Variants in CDKL1 observed in about 807,000 individuals in gnomAD.
The protein encoded by CDKL1 is cyclin dependent kinase like 1.
CDKL1 carries 41 observed loss-of-function variants against 42.0 expected under a neutral mutation model. The ratio of observed to expected loss-of-function variants is 0.98; its 90% CI spans 0.76 to 1.27. The LOEUF (loss-of-function observed/expected upper bound fraction) is 1.27. Ranked by LOEUF, CDKL1 falls within the 50% of genes most tolerant of loss-of-function variation. The pLI, the probability that CDKL1 is intolerant of heterozygous loss-of-function variation, is 0.00. For missense variants in CDKL1, 394 were observed against 428.4 expected, an observed-to-expected ratio of 0.92 and a Z score of 0.71; for synonymous variants, 153 against 158.6, an observed-to-expected ratio of 0.96 and a Z score of 0.26.
chr14:50,330,475 G>A (rs1446386665), intron 9 of CDKL1: 1 of 298,604 alleles, frequency 3.3e-6, no homozygotes, highest in African/African-American at 2.3e-5. Flanking sequence ...CAGGAGTTGA[G>A]AGCTTGCTGA....
chr14:50,385,052 C>A (rs1266880739), intron 2 of CDKL1, among the ~76,000 whole-genome samples: 1 of 116,840 alleles, frequency 8.6e-6, no homozygotes. Context: ...GCCTGGGTGA[C>A]AGAGCAAGAC....
At chr14:50,385,319 C>A (rs1248668570) in intron 2 of CDKL1, among the ~76,000 whole-genome samples, 2 of 152,160 alleles carry the variant, frequency 1.3e-5, no homozygotes, top group African/African-American at 4.8e-5. Context: ...AAGAACACAG[C>A]TTCACCCATG....
intron 3 of CDKL1, among the ~76,000 whole-genome samples, chr14:50,348,230 C>A (rs1298111262): frequency 6.6e-6 from 1 of 152,142 alleles, no homozygotes; most frequent in Non-Finnish European, 1.5e-5. Context: ...TCAAAAGGCT[C>A]GGGAAGTAGC....
chr14:50,388,019 C>A (rs1302505202), intron 2 of CDKL1, among the ~76,000 whole-genome samples: 2 of 152,130 alleles, frequency 1.3e-5, no homozygotes, highest in African/African-American at 4.8e-5. Context: ...GCCTCAGCCT[C>A]CCAAGTAGCT....
intron 2 of CDKL1, among the ~76,000 whole-genome samples, chr14:50,382,414 G>C (rs994398318): frequency 6.6e-6 from 1 of 152,096 alleles, no homozygotes; most frequent in African/African-American, 2.4e-5. Context: ...TCGTGCCACT[G>C]CACTCCAGCC....
chr14:50,337,598 C>A (rs1455774209), intron 7 of CDKL1, among the ~76,000 whole-genome samples: 6 of 151,968 alleles, frequency 3.9e-5, no homozygotes. Context: ...AGCAATATTT[C>A]ACCTCAGTTG....
chr14:50,326,736 T>C lies in CDKL1; in HGVS notation c.*3338A>G, dbSNP rs2032719775. 1 of 985,294 alleles carries C rather than the reference T, an allele frequency of 1.0e-6. No homozygotes were observed. Among genetic ancestry groups the C allele is most frequent in the South Asian group, 4.7e-5 (1 of 21,296 alleles). The allele number at this position is 985,294 out of a possible 1,614,324, so 61.0% of individuals were successfully genotyped here. On this transcript the variant is annotated 3_prime_UTR_variant, in exon 10 of 10. Coordinates refer to ENST00000395834, the MANE Select transcript of CDKL1 (RefSeq NM_004196.7). ...AACTAGTGGGCTATGCTTAGGTTTT[T>C]CTTGAAACCTAACATTGCTTTAGGC...
chr14:50,370,702 A>C (rs1450068239), intron 2 of CDKL1, among the ~76,000 whole-genome samples: 1 of 152,230 alleles, frequency 6.6e-6, no homozygotes, highest in Non-Finnish European at 1.5e-5. Context: ...GGAAGCTTAC[A>C]ATCATGGCAA....
chr14:50,341,244 T>C lies in CDKL1; in HGVS notation c.455-12A>G. ...GTCACTCGGTCCAGCTAGCCAGTGA[T>C]GGAACATGGAAAACAAACAGCAGCG... On this transcript the variant is annotated splice_polypyrimidine_tract_variant and intron_variant, in intron 5 of 9. Coordinates refer to ENST00000395834, the MANE Select transcript of CDKL1 (RefSeq NM_004196.7). The C allele has an allele frequency of 1.0e-5, 16 of 1,576,154 alleles. No homozygotes were observed. Among genetic ancestry groups the C allele is most frequent in the Non-Finnish European group, 1.4e-5 (16 of 1,155,690 alleles).
chr14:50,337,945 A>G (rs1419917398), intron 7 of CDKL1, among the ~76,000 whole-genome samples: 2 of 152,050 alleles, frequency 1.3e-5, no homozygotes, highest in African/African-American at 4.8e-5. Context: ...TGCTGGGATT[A>G]CAGGCATGAG....
chr14:50,333,858 C>T (rs1201018007), intron 8 of CDKL1: 1 of 151,044 alleles, frequency 6.6e-6, no homozygotes, highest in Non-Finnish European at 1.5e-5. Context: ...GATACCATAC[C>T]TCATTTTACA....
At chr14:50,357,799 G>A (rs2034100397) in intron 3 of CDKL1, among the ~76,000 whole-genome samples, 1 of 152,158 alleles carries the variant, frequency 6.6e-6, no homozygotes, top group Admixed American at 6.5e-5. Flanking sequence ...ATTGATATAA[G>A]CCTGTGGCCA....
At chr14:50,389,567 T>C (rs562754227) in intron 2 of CDKL1, among the ~76,000 whole-genome samples, 190 of 152,254 alleles carry the variant, frequency 1.2e-3, no homozygotes, top group Non-Finnish European at 2.5e-3. Flanking sequence ...CGTTGTGATA[T>C]TTATAATTAA....
intron 9 of CDKL1, chr14:50,331,331 G>C (rs1228467890): frequency 6.6e-6 from 1 of 152,248 alleles, no homozygotes; most frequent in African/African-American, 2.4e-5. Context: ...CTAATACTGA[G>C]ATAAGGAATA....
At chr14:50,390,122 C>A (rs1043846020) in intron 2 of CDKL1, 3 of 1,360,954 alleles carry the variant, frequency 2.2e-6, no homozygotes, top group Admixed American at 1.9e-5. Context: ...AGGTCCCTTG[C>A]CCCTACCTGC....
In CDKL1 at chr14:50,341,121, C is replaced by T. The variant is rs1202166134; in HGVS notation, c.566G>A (p.Gly189Asp). Residue 189 changes from glycine to aspartate, a missense_variant, in exon 6 of 10, where the codon GGC becomes GAC. Gly to Asp is a moderately conservative substitution (Grantham distance 94). Coordinates refer to ENST00000395834, the MANE Select transcript of CDKL1 (RefSeq NM_004196.7). ...YGPPVDVWAI[G>D]CVFAELLSGV... ...TGACAGCAGCTCAGCAAAGACACAG[C>T]CAATTGCCCAAACATCCACCGGGGG... The T allele has an allele frequency of 1.2e-6, 2 of 1,614,168 alleles. No individual in the cohort carries two copies. The highest frequency in any genetic ancestry group is 3.3e-5 in the Admixed American group (2 of 60,026).
rs112533600 is a variant in CDKL1 at position 50,327,879 on chromosome 14, C to G, written c.*2195G>C. ...TGTTTAACAGCTTATACAAATAACA[C>G]AGTATAAATGGTAATTGCCACTGTC... On this transcript the variant is annotated 3_prime_UTR_variant, in exon 10 of 10. Coordinates refer to ENST00000395834, the MANE Select transcript of CDKL1 (RefSeq NM_004196.7). 1.4e-4 allele frequency: 22 copies of G among 152,158 alleles called. No homozygotes were observed. The highest frequency in any genetic ancestry group is 5.3e-4 in the African/African-American group (22 of 41,502). The allele number at this position is 152,158 out of a possible 1,614,324, so 9.4% of individuals were successfully genotyped here. A position where few individuals can be genotyped will look rare whatever the true frequency, so the allele number is the denominator to read the frequency against.
In CDKL1 at chr14:50,332,309, TCTTC is replaced by T. The variant is rs1566569847; in HGVS notation, c.915_918del (p.Lys306ProfsTer2). On this transcript the variant is annotated frameshift_variant, in exon 9 of 10. Transcript: ENST00000395834. LOFTEE classifies it high-confidence loss of function. ...TGGTGCTTTCGGCTCTTTCTTAGGG[TCTTC>T]CTTGTTGGTTTGTTGTGTTCTTTTG... The T allele has an allele frequency of 8.1e-6, 13 of 1,614,058 alleles. No individual in the cohort carries two copies. Among genetic ancestry groups the T allele is most frequent in the Non-Finnish European group, 1.7e-6 (2 of 1,180,040 alleles).
intron 7 of CDKL1, 38 bp from the exon 8 acceptor site, chr14:50,334,659 T>C (rs1566572486): frequency 4.9e-6 from 6 of 1,212,364 alleles, no homozygotes; most frequent in Non-Finnish European, 7.4e-6. Flanking sequence ...TTACAGCATG[T>C]ATTCAAATTA....
Sources: allele counts gnomAD v4.1 joint callset (sites outside exome capture counted in the v4.1 genomes callset), GRCh38; gene constraint gnomAD v4.1.1; transcripts MANE v1.5; gene names NCBI Gene and HGNC (gene_info 2026-07-23, HGNC 2026-07-21).